The following NAV3 variants were observed in gnomAD, a reference collection of about 807,000 sequenced individuals.
NAV3 encodes pore membrane and/or filament interacting like protein 1.
Under a neutral mutation model 244.7 loss-of-function variants are expected in NAV3, and 87 were observed. That is an observed-to-expected ratio of 0.36 (90% CI 0.30 to 0.42). The LOEUF is 0.42. Among genes scored for constraint, NAV3 ranks in the 20% least tolerant of loss-of-function variants. The pLI is 1.00. For missense variants in NAV3, 2,663 were observed against 2,893.3 expected (o/e 0.92, Z 1.83); for synonymous variants, 1,126 against 1,042.2 (o/e 1.08, Z -1.55).
chr12:77,869,020 C>T (rs770612056), intron 1 of NAV3, among the ~76,000 whole-genome samples: 5 of 151,146 alleles, frequency 3.3e-5, no homozygotes, highest in East Asian at 1.9e-4. Context: ...TGCAGTGAAC[C>T]GAGATCGAGG....
chr12:77,636,349 C>T (rs775482999), intron 2 of NAV3, among the ~76,000 whole-genome samples: 8 of 151,584 alleles, frequency 5.3e-5, no homozygotes, highest in Non-Finnish European at 1.0e-4. Flanking sequence ...GCCTGTAGTC[C>T]CAGCTACTCA....
At chr12:78,036,387 G>A (rs1470735520) in intron 9 of NAV3, 1 of 157,208 alleles carries the variant, frequency 6.4e-6, no homozygotes, top group Non-Finnish European at 1.4e-5. Context: ...TTAGAGTAAA[G>A]GGTTACAGAC....
chr12:77,805,571 GTATTTTAT>G (rs1165864425), intron 2 of NAV3, among the ~76,000 whole-genome samples: 8 of 152,220 alleles, frequency 5.3e-5, no homozygotes, highest in African/African-American at 1.9e-4. Flanking sequence ...GGGTTTGCCA[GTATTTTAT>G]TGAGTATTTT....
chr12:77,860,253 C>T (rs916115497), intron 1 of NAV3, among the ~76,000 whole-genome samples: 4 of 151,160 alleles, frequency 2.6e-5, no homozygotes, highest in Non-Finnish European at 5.9e-5. Flanking sequence ...AACTAAGAAA[C>T]TTAAGGATCA....
intron 38 of NAV3, among the ~76,000 whole-genome samples, chr12:78,203,073 T>C (rs1414826004): frequency 6.6e-6 from 1 of 152,128 alleles, no homozygotes; most frequent in Non-Finnish European, 1.5e-5. Flanking sequence ...ATGTTGGTGA[T>C]ACAATGGATT....
intron 9 of NAV3, among the ~76,000 whole-genome samples, chr12:78,045,970 T>C (rs1158350463): frequency 1.3e-5 from 2 of 152,214 alleles, no homozygotes; most frequent in Non-Finnish European, 2.9e-5. Context: ...GGAGGGTGTA[T>C]GTGTCCAGGA....
intron 12 of NAV3, among the ~76,000 whole-genome samples, chr12:78,087,400 G>A (rs1430369521): frequency 6.6e-6 from 1 of 152,024 alleles, no homozygotes; most frequent in African/African-American, 2.4e-5. Context: ...GCACAGAGGA[G>A]TAGGGAAAAT....
At chr12:78,078,756 A>G (rs1311822262) in intron 12 of NAV3, among the ~76,000 whole-genome samples, 1 of 152,106 alleles carries the variant, frequency 6.6e-6, no homozygotes, top group African/African-American at 2.4e-5. Flanking sequence ...CAGCACAATA[A>G]TAGACAACTA....
chr12:78,202,162 T>C (rs1407709092), intron 38 of NAV3, among the ~76,000 whole-genome samples: 1 of 152,046 alleles, frequency 6.6e-6, no homozygotes, highest in Non-Finnish European at 1.5e-5. Context: ...TAACATATTG[T>C]GTTTCAGAAT....
intron 1 of NAV3, among the ~76,000 whole-genome samples, chr12:77,865,878 G>A (rs2136386620): frequency 6.6e-6 from 1 of 151,324 alleles, no homozygotes; most frequent in East Asian, 1.9e-4. Context: ...TTTTTCCTAA[G>A]ATTTGTGATT....
chr12:77,842,000 TA>T (rs1875746293), intron 1 of NAV3, among the ~76,000 whole-genome samples: 2 of 152,206 alleles, frequency 1.3e-5, no homozygotes. Flanking sequence ...AATAGTTTGG[TA>T]AACTATTAGC....
intron 2 of NAV3, among the ~76,000 whole-genome samples, chr12:77,666,988 T>C (rs1306770780): frequency 6.6e-6 from 1 of 152,254 alleles, no homozygotes; most frequent in Non-Finnish European, 1.5e-5. Flanking sequence ...ATGGAGTGTG[T>C]GTATGTGTAT....
Position 78,198,650 on chromosome 12 carries a change from A to G in NAV3, c.6492A>G (p.Pro2164=). The G allele has an allele frequency of 1.3e-6, 2 of 1,596,874 alleles. No individual in the cohort carries two copies. Among genetic ancestry groups the G allele is most frequent in the Non-Finnish European group, 1.7e-6 (2 of 1,171,008 alleles). The change falls in exon 36 of 40, where the codon CCA becomes CCG. Residue 2164 remains proline (P), a synonymous_variant. Coordinates refer to ENST00000397909, the MANE Select transcript of NAV3 (RefSeq NM_001024383.2). The part of the protein sequence containing the change: ...GTMNQGVSSS[P]NLELHHNFRW... ...TGAATCAGGGAGTTTCTTCATCACC[A>G]AATCTAGAGCTGCATCACAATTTCA...
chr12:78,133,388 T>A (rs908646883), intron 18 of NAV3, among the ~76,000 whole-genome samples: 4 of 150,976 alleles, frequency 2.6e-5, no homozygotes, highest in Admixed American at 2.0e-4. Context: ...TACTTTATTA[T>A]TAAATTTTAA....
chr12:78,068,141 T>C (rs1009535862), intron 12 of NAV3, among the ~76,000 whole-genome samples: 1 of 151,960 alleles, frequency 6.6e-6, no homozygotes, highest in Non-Finnish European at 1.5e-5. Context: ...AAATATATTA[T>C]TTTACTTTAT....
rs182380336 is a variant in NAV3, at chr12:77,604,992, G to T, written c.72+32726G>T. Among the ~76,000 whole-genome samples the T allele has an allele frequency of 3.4e-4, 52 of 152,166 alleles. No individual in the cohort carries two copies. The Middle Eastern group carries it at 0.01, about 30-fold the overall frequency. The stretch of plus-strand genomic sequence containing the variant: ...TCATTCAACACTTACTGAGAGTCTA[G>T]TATTTAAATCAAGCTTAAATTATGA... On this transcript the variant is annotated intron_variant, in intron 2 of 8. Coordinates refer to the NAV3 transcript ENST00000550042.
chr12:78,143,612 C>T (rs1956724978), intron 20 of NAV3, among the ~76,000 whole-genome samples: 1 of 117,814 alleles, frequency 8.5e-6, no homozygotes, highest in South Asian at 2.8e-4. Context: ...GCGACAAAGC[C>T]AAACACTGTC....
chr12:77,983,572 C>A (rs1869949319), intron 5 of NAV3, among the ~76,000 whole-genome samples: 1 of 151,942 alleles, frequency 6.6e-6, no homozygotes, highest in Non-Finnish European at 1.5e-5. Flanking sequence ...GAAGCCAGAG[C>A]CAGAGATATG....
At position 78,122,158 on chromosome 12, in the gene NAV3, T is replaced by C. The variant is rs749251922; in HGVS notation, c.3968T>C (p.Ile1323Thr). Reference sequence around the variant, plus strand: ...CCCTCAGACTTAACTACAGATGTTATAAGCTTAAGTCACTCGTTGGCCTCC... The same window carrying C: ...CCCTCAGACTTAACTACAGATGTTACAAGCTTAAGTCACTCGTTGGCCTCC... ...NKPSDLTTDV[I>T]SLSHSLASSP... Residue 1323 changes from isoleucine (I) to threonine (T), a missense_variant, in exon 16 of 40, where the codon ATA becomes ACA. Around this residue, in one of 6 missense-constraint regions of NAV3, gnomAD observed 354 missense variants for 413.0 expected, o/e 0.86. Coordinates refer to ENST00000397909, the MANE Select transcript of NAV3 (RefSeq NM_001024383.2). The C allele has an allele frequency of 3.1e-6, 5 of 1,614,170 alleles. No homozygotes were observed. In the South Asian group the frequency reaches 4.4e-5, roughly 14 times the overall value.
Sources: allele counts gnomAD v4.1 joint callset (sites outside exome capture counted in the v4.1 genomes callset), GRCh38; gene constraint gnomAD v4.1.1; regional missense constraint gnomAD v4.1.1; transcripts MANE v1.5; gene names NCBI Gene and HGNC (gene_info 2026-07-23, HGNC 2026-07-21).